The following ERBB4 variants were observed in gnomAD, a reference collection of about 807,000 sequenced individuals.
ERBB4 encodes erb-b2 receptor tyrosine kinase 4, also known as receptor tyrosine-protein kinase erbB-4.
Under a neutral mutation model 158.0 loss-of-function variants are expected in ERBB4, and 42 were observed. The ratio of observed to expected loss-of-function variants is 0.27; its 90% CI spans 0.21 to 0.34. ERBB4 has a LOEUF of 0.34. ERBB4 is among the 10% of genes least tolerant of loss of function. The pLI, the probability that ERBB4 is intolerant of heterozygous loss-of-function variation, is 1.00. For synonymous variants in ERBB4, 583 were observed against 558.7 expected (o/e 1.04, Z -0.61); for missense variants, 1,333 against 1,624.1 (o/e 0.82, Z 3.08).
chr2:212,319,011 C>T (rs1289528927), intron 1 of ERBB4, among the ~76,000 whole-genome samples: 1 of 151,528 alleles, frequency 6.6e-6, no homozygotes, highest in African/African-American at 2.4e-5. Flanking sequence ...CACTTTCAAT[C>T]CAAATTCAGT....
At chr2:212,162,920 A>G (rs1258439388) in intron 1 of ERBB4, among the ~76,000 whole-genome samples, 4 of 151,980 alleles carry the variant, frequency 2.6e-5, no homozygotes, top group African/African-American at 9.7e-5. Flanking sequence ...GCAGCTCTTA[A>G]GTAGTTCTCT....
At chr2:211,583,608 T>A (rs1219476113) in intron 19 of ERBB4, among the ~76,000 whole-genome samples, 2 of 151,570 alleles carry the variant, frequency 1.3e-5, no homozygotes, top group East Asian at 1.9e-4. Context: ...ATTAAAAAAA[T>A]TTAAGGTACA....
chr2:211,583,811 A>G (rs1196641116), intron 19 of ERBB4, among the ~76,000 whole-genome samples: 1 of 151,708 alleles, frequency 6.6e-6, no homozygotes, highest in Non-Finnish European at 1.5e-5. Context: ...TTTTTTGTCA[A>G]TTATAATATC....
intron 1 of ERBB4, among the ~76,000 whole-genome samples, chr2:212,371,670 T>A (rs554512288): frequency 1.3e-5 from 2 of 152,198 alleles, no homozygotes; most frequent in African/African-American, 2.4e-5. Flanking sequence ...GCAATTTATA[T>A]ACATCATCTC....
chr2:212,323,145 T>C (rs12694274), intron 1 of ERBB4, among the ~76,000 whole-genome samples: 29,525 of 150,150 alleles, frequency 0.2, 5,199 homozygotes, highest in African/African-American at 0.43. Context: ...TAACACAAAA[T>C]TGCTTAAATC....
intron 2 of ERBB4, among the ~76,000 whole-genome samples, chr2:212,055,506 A>G (rs2077532946): frequency 6.6e-6 from 1 of 152,234 alleles, no homozygotes; most frequent in Non-Finnish European, 1.5e-5. Flanking sequence ...ACCCCCGAGT[A>G]GCCTAACTGG....
intron 26 of ERBB4, among the ~76,000 whole-genome samples, chr2:211,387,400 A>G (rs1248584684): frequency 6.6e-6 from 1 of 152,196 alleles, no homozygotes. Flanking sequence ...CAACTGAAAC[A>G]TATTCTAATA....
intron 1 of ERBB4, among the ~76,000 whole-genome samples, chr2:212,461,244 G>A (rs1468879761): frequency 1.3e-5 from 2 of 152,168 alleles, no homozygotes; most frequent in Non-Finnish European, 2.9e-5. Flanking sequence ...CCATGTGCCT[G>A]GAAAAGTAGC....
chr2:212,420,757 C>T (rs2091773440), intron 1 of ERBB4, among the ~76,000 whole-genome samples: 1 of 152,112 alleles, frequency 6.6e-6, no homozygotes, highest in Non-Finnish European at 1.5e-5. Context: ...TTCAGACATC[C>T]TTCATGACAT....
chr2:211,675,408 G>A (rs1277936770), intron 13 of ERBB4, among the ~76,000 whole-genome samples: 3 of 151,876 alleles, frequency 2.0e-5, no homozygotes, highest in African/African-American at 7.3e-5. Context: ...AATATCCTCT[G>A]TAAAAGGAAA....
At chr2:211,974,356 A>C (rs992522870) in intron 2 of ERBB4, among the ~76,000 whole-genome samples, 2 of 152,206 alleles carry the variant, frequency 1.3e-5, no homozygotes, top group African/African-American at 4.8e-5. Context: ...AGGAAGCAAG[A>C]AAGAAAGAAG....
intron 1 of ERBB4, among the ~76,000 whole-genome samples, chr2:212,245,163 T>C: frequency 6.6e-6 from 1 of 152,136 alleles, no homozygotes; most frequent in East Asian, 1.9e-4. Context: ...AACACACACT[T>C]ATCATAGAAA....
intron 2 of ERBB4, among the ~76,000 whole-genome samples, chr2:212,100,933 G>T (rs1036477518): frequency 2.6e-5 from 4 of 152,082 alleles, no homozygotes; most frequent in African/African-American, 9.7e-5. Flanking sequence ...AAAGCCACAG[G>T]TAAGTAGATA....
intron 1 of ERBB4, among the ~76,000 whole-genome samples, chr2:212,461,633 G>C (rs187526222): frequency 6.6e-6 from 1 of 152,250 alleles, no homozygotes; most frequent in African/African-American, 2.4e-5. Context: ...GCTGAAATGA[G>C]TTAAGACTTT....
At chr2:211,665,567 A>G (rs2071600180) in intron 14 of ERBB4, 90 bp from the exon 15 acceptor site, 1 of 1,232,956 alleles carries the variant, frequency 8.1e-7, no homozygotes, top group South Asian at 1.3e-5. Flanking sequence ...CTGAGACTTC[A>G]GTAGGTGGCA....
chr2:212,204,795 A>G (rs2082693440), intron 1 of ERBB4, among the ~76,000 whole-genome samples: 1 of 151,154 alleles, frequency 6.6e-6, no homozygotes, highest in Non-Finnish European at 1.5e-5. Flanking sequence ...TGTCTCCCAA[A>G]AGATATTATT....
chr2:212,033,159 T>C (rs1049154129), intron 2 of ERBB4, among the ~76,000 whole-genome samples: 3 of 151,958 alleles, frequency 2.0e-5, no homozygotes, highest in Non-Finnish European at 4.4e-5. Context: ...TACTCAGAAA[T>C]CTATAATAAT....
rs2070058067 is a variant in ERBB4 at position 211,630,345 on chromosome 2, AACTT to A, written c.2079+113_2079+116del. ...TTGTTTAACGGACTATAAAATAAAA[AACTT>A]AATTAGGACACTGAACAGAATTTTA... is the stretch of plus-strand genomic sequence containing the variant. On this transcript the variant is annotated intron_variant, in intron 17 of 27. Transcript: ENST00000342788. 76 of 1,206,472 alleles carry A rather than the reference AACTT, an allele frequency of 6.3e-5. 1 individual carries two copies. The South Asian group carries it at 9.9e-4, about 16-fold the overall frequency. The allele number at this position is 1,206,472 out of a possible 1,614,324, so 74.7% of individuals were successfully genotyped here.
intron 2 of ERBB4, among the ~76,000 whole-genome samples, chr2:211,948,691 C>T (rs948477113): frequency 2.0e-4 from 31 of 151,902 alleles, no homozygotes; most frequent in Non-Finnish European, 7.4e-5. Context: ...AAAAAATACT[C>T]AAGTATTTGG....
Sources: gnomAD v4.1 joint callset for allele counts (sites outside exome capture counted in the v4.1 genomes callset) on GRCh38, gnomAD v4.1.1 for gene constraint, MANE v1.5 for transcripts, NCBI Gene and HGNC (gene_info 2026-07-23, HGNC 2026-07-21) for gene names.